The following CCSER1 variants were observed in gnomAD, a reference collection of about 807,000 sequenced individuals.
CCSER1 encodes serine-rich coiled-coil domain-containing protein 1.
A neutral mutation model predicts 82.0 loss-of-function variants in CCSER1; 41 were observed. The ratio of observed to expected loss-of-function variants is 0.50; its 90% CI spans 0.39 to 0.65. The LOEUF (loss-of-function observed/expected upper bound fraction) is 0.65. CCSER1 is among the 30% of genes least tolerant of loss of function. The probability of loss-of-function intolerance (pLI) is 0.00; values close to 1 mark genes in which losing one functional copy is unlikely to be tolerated. For synonymous variants in CCSER1, 414 were observed against 383.9 expected (o/e 1.08, Z -0.92); for missense variants, 1,119 against 1,064.2 (o/e 1.05, Z -0.72).
chr4:90,320,219 T>C (rs943376619), intron 3 of CCSER1, among the ~76,000 whole-genome samples: 32 of 152,234 alleles, frequency 2.1e-4, no homozygotes, highest in African/African-American at 7.0e-4. Context: ...ATCTAATAAA[T>C]ATGAATAAAT....
At chr4:90,489,782 T>G (rs1035472765) in intron 5 of CCSER1, among the ~76,000 whole-genome samples, 1 of 152,164 alleles carries the variant, frequency 6.6e-6, no homozygotes, top group Non-Finnish European at 1.5e-5. Flanking sequence ...TTTGTTTTTT[T>G]GTCCTTGCGA....
intron 10 of CCSER1, among the ~76,000 whole-genome samples, chr4:91,256,264 T>C (rs1740673929): frequency 1.3e-5 from 2 of 152,258 alleles, no homozygotes; most frequent in Admixed American, 6.5e-5. Flanking sequence ...AATTCCAGCC[T>C]GGCGAATTCT....
intron 9 of CCSER1, among the ~76,000 whole-genome samples, chr4:91,039,067 C>T (rs1741692055): frequency 6.6e-6 from 1 of 152,136 alleles, no homozygotes; most frequent in Non-Finnish European, 1.5e-5. Context: ...TCTCACTCTG[C>T]ACCCAGGCTG....
chr4:90,671,167 A>G (rs1334269916), intron 6 of CCSER1, among the ~76,000 whole-genome samples: 3 of 152,042 alleles, frequency 2.0e-5, no homozygotes, highest in Admixed American at 1.3e-4. Context: ...GGCTGCTGAT[A>G]AGGGTGATGG....
intron 8 of CCSER1, among the ~76,000 whole-genome samples, chr4:90,903,930 A>C (rs1207725864): frequency 1.3e-5 from 2 of 151,966 alleles, no homozygotes; most frequent in Non-Finnish European, 2.9e-5. Context: ...TTTTATAGTT[A>C]AAATTTTACT....
chr4:90,308,361 A>G lies in CCSER1; in HGVS notation c.77A>G (p.His26Arg), dbSNP rs1734679845. Residue 26 changes from histidine (H) to arginine (R), a missense_variant, in exon 2 of 11, where the codon CAT (histidine) becomes CGT (arginine). Coordinates refer to ENST00000509176, the MANE Select transcript of CCSER1 (RefSeq NM_001145065.2). ...TTCAGAAGAAGTATTAACAGAAGAC[A>G]TGATTCTCTTCCTTCTTCACCTTCT... Reference protein sequence around the residue: ...PIFRRSINRRHDSLPSSPSSS... With the variant: ...PIFRRSINRRRDSLPSSPSSS... The G allele has an allele frequency of 1.5e-5, 24 of 1,613,270 alleles. No individual in the cohort carries two copies. The highest frequency in any genetic ancestry group is 2.0e-5 in the Non-Finnish European group (24 of 1,179,664).
At chr4:91,386,825 C>A (rs146462907) in intron 10 of CCSER1, among the ~76,000 whole-genome samples, 3 of 151,844 alleles carry the variant, frequency 2.0e-5, no homozygotes, top group Admixed American at 6.6e-5. Flanking sequence ...TGAGCAAACA[C>A]CAGACAAACT....
chr4:91,542,095 T>C (rs1312774564), intron 10 of CCSER1, among the ~76,000 whole-genome samples: 1 of 152,196 alleles, frequency 6.6e-6, no homozygotes, highest in Non-Finnish European at 1.5e-5. Context: ...TTCTTGTAAA[T>C]TTGTTTAAGT....
intron 10 of CCSER1, among the ~76,000 whole-genome samples, chr4:91,531,022 A>C (rs1761002912): frequency 6.6e-6 from 1 of 152,128 alleles, no homozygotes; most frequent in Admixed American, 6.6e-5. Flanking sequence ...TTTATTCAAT[A>C]AAAATGTATA....
rs559044361 is a variant in CCSER1, at chr4:90,883,630, G to A, written c.2095-39740G>A. 2.9e-4 allele frequency among the ~76,000 whole-genome samples: 44 copies of A among 152,170 alleles called. No homozygotes were observed. In the South Asian group the frequency reaches 8.9e-3, roughly 31 times the overall value. On this transcript the variant is annotated intron_variant, in intron 8 of 10. Coordinates refer to ENST00000509176, the MANE Select transcript of CCSER1 (RefSeq NM_001145065.2). ...AACTAAAAATAATTCAGTGTTAATC[G>A]AGAGAATTATAAAGTGGAGAGTGGC...
intron 8 of CCSER1, among the ~76,000 whole-genome samples, chr4:90,892,345 A>C (rs944843946): frequency 4.6e-5 from 7 of 151,966 alleles, no homozygotes; most frequent in African/African-American, 1.4e-4. Flanking sequence ...TTAGGATTAC[A>C]TATACAAAGA....
chr4:91,458,270 T>TC (rs1198790264), intron 10 of CCSER1, among the ~76,000 whole-genome samples: 2 of 152,100 alleles, frequency 1.3e-5, no homozygotes, highest in South Asian at 2.1e-4. Flanking sequence ...CAATGTCCTT[T>TC]CCCCCCATAC....
At chr4:90,548,979 A>G (rs1437613666) in intron 5 of CCSER1, among the ~76,000 whole-genome samples, 1 of 152,090 alleles carries the variant, frequency 6.6e-6, no homozygotes, top group African/African-American at 2.4e-5. Context: ...TTTGCTAGCC[A>G]AACAAACATC....
At chr4:91,584,837 G>A (rs1763909065) in intron 10 of CCSER1, among the ~76,000 whole-genome samples, 1 of 149,864 alleles carries the variant, frequency 6.7e-6, no homozygotes. Context: ...CCTATTATGT[G>A]AGACATCTGA....
chr4:90,868,052 T>A (rs1333783053), intron 8 of CCSER1, among the ~76,000 whole-genome samples: 6 of 152,032 alleles, frequency 3.9e-5, no homozygotes, highest in African/African-American at 9.7e-5. Context: ...TTTTAAAAAA[T>A]TTTTAATTCT....
At chr4:91,439,857 A>T (rs1318045620) in intron 10 of CCSER1, among the ~76,000 whole-genome samples, 2 of 152,248 alleles carry the variant, frequency 1.3e-5, no homozygotes, top group East Asian at 3.8e-4. Context: ...AAAGATCAAA[A>T]GAGACAAAGA....
At chr4:90,430,430 C>A (rs1266016661) in intron 4 of CCSER1, among the ~76,000 whole-genome samples, 1 of 151,822 alleles carries the variant, frequency 6.6e-6, no homozygotes, top group Non-Finnish European at 1.5e-5. Flanking sequence ...CCAATACAAG[C>A]TCTGAGTGAA....
chr4:91,370,042 G>C (rs1263836791), intron 10 of CCSER1, among the ~76,000 whole-genome samples: 2 of 151,798 alleles, frequency 1.3e-5, no homozygotes, highest in Non-Finnish European at 2.9e-5. Context: ...GATACTTATT[G>C]TGGTTTCTTA....
intron 7 of CCSER1, among the ~76,000 whole-genome samples, chr4:90,731,078 G>C (rs1278698749): frequency 1.3e-5 from 2 of 152,070 alleles, no homozygotes; most frequent in Non-Finnish European, 2.9e-5. Context: ...GATTATGATG[G>C]CTTAAACTGG....
Sources: gnomAD v4.1 joint callset for allele counts (sites outside exome capture counted in the v4.1 genomes callset) on GRCh38, gnomAD v4.1.1 for gene constraint, MANE v1.5 for transcripts, NCBI Gene and HGNC (gene_info 2026-07-23, HGNC 2026-07-21) for gene names.